Variants in TRMT11 observed in about 807,000 individuals in gnomAD.
TRMT11 encodes the protein tRNA (guanine(10)-N(2))-methyltransferase TRMT11.
In TRMT11, 53 loss-of-function variants were observed where a neutral mutation model predicts 62.8. That is an observed-to-expected ratio of 0.84 (90% CI 0.68 to 1.06). The LOEUF (loss-of-function observed/expected upper bound fraction) is 1.06. Ranked by LOEUF, TRMT11 falls within the 50% of genes least tolerant of loss-of-function variation. The pLI is 0.00. For synonymous variants in TRMT11, 188 were observed against 190.3 expected (o/e 0.99, Z 0.10); for missense variants, 556 against 553.4 (o/e 1.00, Z -0.05).
chr6:126,217,172 G>C, the TRMT11 span, among the ~76,000 whole-genome samples: 1 of 152,168 alleles, frequency 6.6e-6, no homozygotes, highest in Non-Finnish European at 1.5e-5. Flanking sequence ...GCTCAAAACA[G>C]CTATTTTACA....
At chr6:126,043,506 A>G (rs1179877244), downstream of TRMT11, among the ~76,000 whole-genome samples, 20 of 150,088 alleles carry the variant, frequency 1.3e-4, no homozygotes, top group Admixed American at 1.3e-3. Flanking sequence ...TAGTGCCGCA[A>G]TAAACATACG....
the TRMT11 span, among the ~76,000 whole-genome samples, chr6:126,241,886 C>G: frequency 6.6e-6 from 1 of 152,130 alleles, no homozygotes; most frequent in Non-Finnish European, 1.5e-5. Flanking sequence ...GACAGGGATG[C>G]CCTCTCTCAC....
At chr6:126,008,884 T>G (rs1176499819) in intron 8 of TRMT11, 1 of 344,434 alleles carries the variant, frequency 2.9e-6, no homozygotes, top group Admixed American at 3.8e-5. Flanking sequence ...GGCATTATTT[T>G]AATCTTCAAA....
chr6:126,224,234 C>G, the TRMT11 span, among the ~76,000 whole-genome samples: 10 of 152,330 alleles, frequency 6.6e-5, 1 homozygote, highest in Admixed American at 2.0e-4. Context: ...TCTTGACTTG[C>G]CAGGGTTCTG....
At chr6:126,146,421 A>G (rs565052157) in intron 21 of TRMT11, among the ~76,000 whole-genome samples, 7 of 152,314 alleles carry the variant, frequency 4.6e-5, no homozygotes, top group South Asian at 2.1e-4. Flanking sequence ...CTCTTCCTCT[A>G]TCGAACTGAT....
At chr6:126,060,723 T>C (rs1304770312) in intron 17 of TRMT11, among the ~76,000 whole-genome samples, 4 of 152,244 alleles carry the variant, frequency 2.6e-5, no homozygotes, top group African/African-American at 9.6e-5. Flanking sequence ...TTCTTTTTTC[T>C]TTTGATTGAG....
At chr6:126,248,671 G>A in the TRMT11 span, among the ~76,000 whole-genome samples, 1 of 151,956 alleles carries the variant, frequency 6.6e-6, no homozygotes, top group African/African-American at 2.4e-5. Context: ...TCAACAACTG[G>A]TATAAACCTT....
the TRMT11 span, among the ~76,000 whole-genome samples, chr6:126,262,113 C>T: frequency 6.6e-6 from 1 of 152,314 alleles, no homozygotes; most frequent in East Asian, 1.9e-4. Flanking sequence ...TGAAGTTTTG[C>T]AGCAGTATGT....
At chr6:126,040,672 G>C (rs1212066837), downstream of TRMT11, among the ~76,000 whole-genome samples, 1 of 151,986 alleles carries the variant, frequency 6.6e-6, no homozygotes, top group Non-Finnish European at 1.5e-5. Context: ...CTGTAGTTTG[G>C]ATTTACAGTA....
At chr6:126,180,542 A>G (rs1778446614) in intron 1 of TRMT11, among the ~76,000 whole-genome samples, 1 of 152,214 alleles carries the variant, frequency 6.6e-6, no homozygotes, top group South Asian at 2.1e-4. Flanking sequence ...TAAACACAGT[A>G]ATTCCTAACA....
chr6:126,137,943 T>C (rs181471014), intron 21 of TRMT11, among the ~76,000 whole-genome samples: 3 of 151,884 alleles, frequency 2.0e-5, no homozygotes, highest in African/African-American at 7.2e-5. Context: ...TAGAATAGAA[T>C]AGTAGTTACC....
chr6:126,039,693 C>G (rs1775810125), downstream of TRMT11, among the ~76,000 whole-genome samples: 1 of 152,030 alleles, frequency 6.6e-6, no homozygotes, highest in Admixed American at 6.6e-5. Context: ...TGCTTGAAAA[C>G]CACTATACCC....
chr6:126,175,514 G>A (rs1334082554), upstream of TRMT11, among the ~76,000 whole-genome samples: 1 of 152,154 alleles, frequency 6.6e-6, no homozygotes, highest in African/African-American at 2.4e-5. Flanking sequence ...TGATTTAGCT[G>A]ATTGCTAGGT....
intron 17 of TRMT11, among the ~76,000 whole-genome samples, chr6:126,109,866 G>A (rs1458573563): frequency 6.6e-6 from 1 of 152,116 alleles, no homozygotes; most frequent in South Asian, 2.1e-4. Flanking sequence ...ACAGGAACTT[G>A]GTACTCTAAC....
chr6:126,107,449 C>T lies in TRMT11; in HGVS notation c.*1438-5417C>T, dbSNP rs149484675. On this transcript the variant is annotated intron_variant and NMD_transcript_variant, in intron 17 of 22. Transcript: ENST00000648977. ...GTATGTGTCTTGGAACTATTTACCCCTTAAATATGAAAAATGTAAATAAGC... is the reference window on the plus strand; with the variant it reads ...GTATGTGTCTTGGAACTATTTACCCTTTAAATATGAAAAATGTAAATAAGC... Among the ~76,000 whole-genome samples the T allele has an allele frequency of 2.4e-3, 358 of 152,264 alleles. 1 individual carries two copies. The highest frequency in any genetic ancestry group is 8.2e-3 in the African/African-American group (342 of 41,556).
chr6:126,226,974 C>T, the TRMT11 span, among the ~76,000 whole-genome samples: 7 of 152,128 alleles, frequency 4.6e-5, no homozygotes, highest in African/African-American at 1.7e-4. Context: ...TCTTTCTTTG[C>T]CTGCCACCAT....
chr6:126,271,634 G>T, the TRMT11 span, among the ~76,000 whole-genome samples: 2 of 152,040 alleles, frequency 1.3e-5, no homozygotes, highest in Admixed American at 6.6e-5. Context: ...AAATATGTAG[G>T]TTGCTTACCA....
In TRMT11 at chr6:126,151,806, T is replaced by TTTTCTTTCTTTCTTTCTTTCTTTC. The variant is rs754465295; in HGVS notation, c.*1824-22982_*1824-22959dup. On this transcript the variant is annotated intron_variant and NMD_transcript_variant, in intron 21 of 22. Coordinates refer to the TRMT11 transcript ENST00000648977. ...TTTCCTTCCTTCCTTCCTCTCTGTC[T>TTTTCTTTCTTTCTTTCTTTCTTTC]TTTCTTTCTTTCTTTCTTTCTTTCT... Among the ~76,000 whole-genome samples, 45 of 86,954 alleles carry TTTTCTTTCTTTCTTTCTTTCTTTC rather than the reference T, an allele frequency of 5.2e-4. 1 individual carries two copies. Among genetic ancestry groups the TTTTCTTTCTTTCTTTCTTTCTTTC allele is most frequent in the East Asian group, 1.8e-3 (5 of 2,840 alleles). The allele number at this position is 86,954 out of a possible 152,430, so 57.0% of individuals were successfully genotyped here. A position where few individuals can be genotyped will look rare whatever the true frequency, so the allele number is the denominator to read the frequency against.
chr6:126,066,115 AAGT>A (rs1043459203), intron 17 of TRMT11, among the ~76,000 whole-genome samples: 8 of 152,146 alleles, frequency 5.3e-5, no homozygotes, highest in African/African-American at 1.9e-4. Flanking sequence ...TGGATTGTGA[AAGT>A]AGGGGAGCAA....
Sources: gnomAD v4.1 joint callset for allele counts (sites outside exome capture counted in the v4.1 genomes callset) on GRCh38, gnomAD v4.1.1 for gene constraint, MANE v1.5 for transcripts, NCBI Gene and HGNC (gene_info 2026-07-23, HGNC 2026-07-21) for gene names.